DSG3: variants seen among roughly 807,000 people sequenced by gnomAD.
The protein encoded by DSG3 is desmoglein-3.
Under a neutral mutation model 85.9 loss-of-function variants are expected in DSG3, and 63 were observed. The ratio of observed to expected loss-of-function variants is 0.73; its 90% CI spans 0.60 to 0.90. DSG3 has a LOEUF of 0.90. Ranked by LOEUF, DSG3 falls within the 40% of genes least tolerant of loss-of-function variation. The pLI, the probability that DSG3 is intolerant of heterozygous loss-of-function variation, is 0.00. For missense variants in DSG3, 1,220 were observed against 1,219.9 expected, an observed-to-expected ratio of 1.00 and a Z score of 0.00; for synonymous variants, 447 against 441.9, an observed-to-expected ratio of 1.01 and a Z score of -0.14.
At chr18:31,457,561 C>T (rs1598777037) in intron 3 of DSG3, among the ~76,000 whole-genome samples, 2 of 103,074 alleles carry the variant, frequency 1.9e-5, no homozygotes, top group African/African-American at 5.4e-5. Flanking sequence ...TTCTTTCTTT[C>T]TTTCTTTCTT....
At chr18:31,459,411 A>T (rs183500771) in intron 5 of DSG3, among the ~76,000 whole-genome samples, 1 of 152,222 alleles carries the variant, frequency 6.6e-6, no homozygotes, top group Non-Finnish European at 1.5e-5. Context: ...ATAGTATCTT[A>T]TTCTATATAT....
At chr18:31,458,725 A>G (rs182906179) in intron 4 of DSG3, 125 bp downstream of exon 4, 1 of 1,124,644 alleles carries the variant, frequency 8.9e-7, no homozygotes, top group African/African-American at 1.6e-5. Context: ...CCAGCAAATA[A>G]CAATATTAGT....
In DSG3 at chr18:31,460,918, T is replaced by A; in HGVS notation, c.770T>A (p.Val257Glu). 1 of 1,605,346 alleles carries A rather than the reference T, an allele frequency of 6.2e-7. No individual in the cohort carries two copies. The highest frequency in any genetic ancestry group is 8.5e-7 in the Non-Finnish European group (1 of 1,177,554). Reference protein sequence around the residue: ...LSTQCECNIKVKDVNDNFPMF... With the variant: ...LSTQCECNIKEKDVNDNFPMF... The stretch of plus-strand genomic sequence containing the variant: ...ACTCAATGTGAATGTAATATTAAAG[T>A]GAAAGATGTCAACGATAACTTCCCA... The change falls in exon 7 of 16, where the codon GTG becomes GAG. Residue 257 changes from valine (V) to glutamate (E), a missense_variant. By Grantham distance (121) the Val-to-Glu change is moderately radical (BLOSUM62 -2). Coordinates refer to ENST00000257189, the MANE Select transcript of DSG3 (RefSeq NM_001944.3).
Position 31,459,227 on chromosome 18 carries a change from T to C in DSG3, c.517+50T>C, listed in dbSNP as rs2072768509. ...CTTTCAGTTTATCTACTTTCAAATATGAGTCCCACTACAATATGTCATTCT... is the reference window on the plus strand; with the variant it reads ...CTTTCAGTTTATCTACTTTCAAATACGAGTCCCACTACAATATGTCATTCT... On this transcript the variant is annotated intron_variant, in intron 5 of 15. Transcript: ENST00000257189. 2.7e-6 allele frequency: 4 copies of C among 1,509,074 alleles called. No individual in the cohort carries two copies. In the South Asian group the frequency reaches 3.7e-5, roughly 14 times the overall value. The allele number at this position is 1,509,074 out of a possible 1,614,324, so 93.5% of individuals were successfully genotyped here.
Position 31,476,021 on chromosome 18 carries a change from T to G in DSG3, c.2761T>G (p.Ser921Ala). 6.2e-7 allele frequency: 1 copy of G among 1,614,208 alleles called. No individual in the cohort carries two copies. The change falls in exon 16 of 16, where the codon TCC becomes GCC. Residue 921 changes from serine (S) to alanine (A), a missense_variant. Coordinates refer to ENST00000257189, the MANE Select transcript of DSG3 (RefSeq NM_001944.3). ...STSGSVQPAV[S>A]IPDPLQHGNY... is the part of the protein sequence containing the mutation. The stretch of plus-strand genomic sequence containing the variant: ...CTCTGGGTCTGTCCAGCCAGCTGTT[T>G]CCATCCCTGACCCTCTGCAGCATGG...
chr18:31,460,205 A>G (rs2072775416), intron 6 of DSG3, among the ~76,000 whole-genome samples, 194 bp downstream of exon 6: 1 of 152,222 alleles, frequency 6.6e-6, no homozygotes, highest in South Asian at 2.1e-4. Flanking sequence ...GGGCACCTGC[A>G]GAATCAGTTG....
At chr18:31,465,583 G>C in intron 10 of DSG3, 126 bp downstream of exon 10, 1 of 937,350 alleles carries the variant, frequency 1.1e-6, no homozygotes, top group East Asian at 3.3e-5. Context: ...TCTTAGGAGT[G>C]TTGGGCCTCA....
intron 1 of DSG3, among the ~76,000 whole-genome samples, 169 bp from the exon 2 acceptor site, chr18:31,456,271 T>C (rs574679170): frequency 6.6e-6 from 1 of 152,374 alleles, no homozygotes; most frequent in African/African-American, 2.4e-5. Flanking sequence ...ATATTCCTTT[T>C]CCTGGTAGGA....
Position 31,476,386 on chromosome 18 carries a change from GA to G in DSG3, c.*127del. 1 of 1,106,184 alleles carries G rather than the reference GA, an allele frequency of 9.0e-7. No homozygotes were observed. The highest frequency in any genetic ancestry group is 1.9e-5 in the South Asian group (1 of 52,866). The allele number at this position is 1,106,184 out of a possible 1,614,324, so 68.5% of individuals were successfully genotyped here. ...CACTTATTAGCTTCTCTCATAAACTGATCACGATTATAAATTAAATGTTTGG... is the reference window on the plus strand; with the variant it reads ...CACTTATTAGCTTCTCTCATAAACTGTCACGATTATAAATTAAATGTTTGG... On this transcript the variant is annotated 3_prime_UTR_variant, in exon 16 of 16. Transcript: ENST00000257189.
At chr18:31,450,491 A>G (rs61227642) in intron 1 of DSG3, among the ~76,000 whole-genome samples, 1,824 of 152,116 alleles carry the variant, frequency 0.012, 36 homozygotes, top group African/African-American at 0.042. Context: ...CATGGGGGGG[A>G]AAAGCAATGT....
Position 31,475,766 on chromosome 18 carries a change from T to A in DSG3, c.2506T>A (p.Phe836Ile). The A allele has an allele frequency of 6.2e-7, 1 of 1,614,124 alleles. No homozygotes were observed. The change falls in exon 16 of 16, where the codon TTT becomes ATT. Residue 836 changes from phenylalanine (F) to isoleucine (I), a missense_variant. Phe to Ile is a conservative substitution (Grantham distance 21). Coordinates refer to ENST00000257189, the MANE Select transcript of DSG3 (RefSeq NM_001944.3). ...TGTGGGCTCCGTGGGTTGTTGCAGT[T>A]TTATTGCTGATGACCTGGATGACAG... ...SPVGSVGCCS[F>I]IADDLDDSFL...
At chr18:31,468,855 C>T (rs1228362336) in intron 11 of DSG3, among the ~76,000 whole-genome samples, 1 of 152,108 alleles carries the variant, frequency 6.6e-6, no homozygotes, top group Non-Finnish European at 1.5e-5. Flanking sequence ...GTTCAGCCCC[C>T]ACGTGCTCTC....
chr18:31,470,999 A>T lies in DSG3; in HGVS notation c.1898-1285A>T, dbSNP rs547802338. On this transcript the variant is annotated intron_variant, in intron 12 of 15. Coordinates refer to ENST00000257189, the MANE Select transcript of DSG3 (RefSeq NM_001944.3). ...GCTGCTAAAAGCATTTGAATAAAAGACTAACATGATCATATTTGTATTTTA... is the reference window on the plus strand; with the variant it reads ...GCTGCTAAAAGCATTTGAATAAAAGTCTAACATGATCATATTTGTATTTTA... Among the ~76,000 whole-genome samples, 4 of 152,344 alleles carry T rather than the reference A, an allele frequency of 2.6e-5. No individual in the cohort carries two copies. In the South Asian group the frequency reaches 8.3e-4, roughly 32 times the overall value.
chr18:31,461,548 A>G, intron 8 of DSG3, 136 bp downstream of exon 8: 2 of 860,338 alleles, frequency 2.3e-6, no homozygotes, highest in Non-Finnish European at 3.5e-6. Context: ...AATTTTTTGT[A>G]ATCCCCATAG....
intron 10 of DSG3, among the ~76,000 whole-genome samples, chr18:31,466,166 C>T (rs2072817204): frequency 1.3e-5 from 2 of 151,882 alleles, no homozygotes. Flanking sequence ...AAAATGTGTG[C>T]TTTAGAAGCA....
At chr18:31,448,912 T>C (rs1186845372) in intron 1 of DSG3, among the ~76,000 whole-genome samples, 1 of 152,138 alleles carries the variant, frequency 6.6e-6, no homozygotes, top group Non-Finnish European at 1.5e-5. Context: ...TTTGTTTTTG[T>C]TTTTGTTTTT....
chr18:31,464,506 C>A (rs2072805049), intron 9 of DSG3, 124 bp downstream of exon 9: 1 of 1,054,100 alleles, frequency 9.5e-7, no homozygotes, highest in Non-Finnish European at 1.3e-6. Flanking sequence ...AAACAAGAAA[C>A]TGGGTAACTC....
chr18:31,448,503 C>A (rs973851635), intron 1 of DSG3, among the ~76,000 whole-genome samples: 2 of 152,034 alleles, frequency 1.3e-5, no homozygotes, highest in African/African-American at 4.8e-5. Flanking sequence ...GAAAGACATA[C>A]AACATTTTAA....
chr18:31,456,539 T>G (rs966809303), intron 2 of DSG3, 64 bp downstream of exon 2: 2 of 893,780 alleles, frequency 2.2e-6, no homozygotes, highest in Non-Finnish European at 3.1e-6. Flanking sequence ...AATTAAATTG[T>G]GTTTAGTAGA....
Sources: allele counts gnomAD v4.1 joint callset (sites outside exome capture counted in the v4.1 genomes callset), GRCh38; gene constraint gnomAD v4.1.1; transcripts MANE v1.5; gene names NCBI Gene and HGNC (gene_info 2026-07-23, HGNC 2026-07-21).